The following SLC14A1 variants were observed in gnomAD, a reference collection of about 807,000 sequenced individuals.
SLC14A1 encodes solute carrier family 14 member 1 (Kidd blood group).
In SLC14A1, 36 loss-of-function variants were observed where a neutral mutation model predicts 39.6. The ratio of observed to expected loss-of-function variants is 0.91; its 90% CI spans 0.70 to 1.20. The LOEUF (loss-of-function observed/expected upper bound fraction) is 1.20, where lower values mean the gene tolerates loss of function less well. Among genes scored for constraint, SLC14A1 ranks in the 50% most tolerant of loss-of-function variants. The pLI is 0.00. For missense variants in SLC14A1, 469 were observed against 478.7 expected, an observed-to-expected ratio of 0.98 and a Z score of 0.19; for synonymous variants, 164 against 173.6, an observed-to-expected ratio of 0.94 and a Z score of 0.43.
In SLC14A1 at chr18:45,752,223, C is replaced by A. The variant is rs538101868; in HGVS notation, c.*2272C>A. The A allele has an allele frequency of 1.4e-4, 140 of 985,344 alleles. No individual in the cohort carries two copies. In the South Asian group the frequency reaches 5.5e-3, roughly 39 times the overall value. The allele number at this position is 985,344 out of a possible 1,614,324, so 61.0% of individuals were successfully genotyped here. A position where few individuals can be genotyped will look rare whatever the true frequency, so the allele number is the denominator to read the frequency against. On this transcript the variant is annotated 3_prime_UTR_variant, in exon 10 of 10. Transcript: ENST00000321925. ...TGTGGGGAAAAAAAAGCAAGCATAA[C>A]CAAAGATCATCAGCAGTGAAGAATC...
chr18:45,742,353 G>GTTTTTTTT (rs34628652), intron 8 of SLC14A1, among the ~76,000 whole-genome samples: 3 of 118,054 alleles, frequency 2.5e-5, no homozygotes, highest in East Asian at 2.4e-4. Flanking sequence ...TTGTTTTTTG[G>GTTTTTTTT]TTTTTTTTTT....
At position 45,736,653 on chromosome 18, in the gene SLC14A1, G is replaced by C; in HGVS notation, c.663+5G>C. The C allele has an allele frequency of 6.2e-7, 1 of 1,613,728 alleles. No individual in the cohort carries two copies. The highest frequency in any genetic ancestry group is 8.5e-7 in the Non-Finnish European group (1 of 1,179,622). Reference sequence around the variant, plus strand: ...TCTGACCTCAGTGCCCTGGAGGTAAGAGACACTGGCTTCTCACATTCGCCC... The same window carrying C: ...TCTGACCTCAGTGCCCTGGAGGTAACAGACACTGGCTTCTCACATTCGCCC... On this transcript the variant is annotated splice_donor_5th_base_variant and intron_variant, in intron 6 of 9. Transcript: ENST00000321925.
Position 45,750,019 on chromosome 18 carries a change from G to A in SLC14A1, c.*68G>A. On this transcript the variant is annotated 3_prime_UTR_variant, in exon 10 of 10. Coordinates refer to ENST00000321925, the MANE Select transcript of SLC14A1 (RefSeq NM_015865.7). Reference sequence around the variant, plus strand: ...CTGACTGCTCCAGCTAACTTCCAGGGTCTCAGCAAACTGCTGTTTTTCACG... The same window carrying A: ...CTGACTGCTCCAGCTAACTTCCAGGATCTCAGCAAACTGCTGTTTTTCACG... 1.9e-6 allele frequency: 3 copies of A among 1,612,950 alleles called. No individual in the cohort carries two copies. Among genetic ancestry groups the A allele is most frequent in the Non-Finnish European group, 2.5e-6 (3 of 1,180,014 alleles).
chr18:45,739,946 T>C (rs1346399498), intron 8 of SLC14A1: 3 of 461,782 alleles, frequency 6.5e-6, no homozygotes, highest in South Asian at 4.2e-5. Context: ...ATCCCAGTTA[T>C]TCTTCAGCTT....
intron 5 of SLC14A1, among the ~76,000 whole-genome samples, chr18:45,734,714 C>G (rs1217560396): frequency 1.3e-5 from 2 of 152,018 alleles, no homozygotes; most frequent in Admixed American, 1.3e-4. Context: ...CACTCCAGTT[C>G]TCCGAACCTC....
At chr18:45,748,482 T>C in intron 9 of SLC14A1, 57 bp downstream of exon 9, 1 of 1,563,166 alleles carries the variant, frequency 6.4e-7, no homozygotes, top group South Asian at 1.1e-5. Flanking sequence ...TACAACTATA[T>C]GGGAAATGCT....
chr18:45,751,176 C>CA lies in SLC14A1; in HGVS notation c.*1231dup. 1 of 427,866 alleles carries CA rather than the reference C, an allele frequency of 2.3e-6. No individual in the cohort carries two copies. Among genetic ancestry groups the CA allele is most frequent in the Non-Finnish European group, 3.1e-6 (1 of 321,578 alleles). 26.5% of individuals were successfully genotyped at this position (427,866 alleles called of 1,614,324 possible). On this transcript the variant is annotated 3_prime_UTR_variant, in exon 10 of 10. Transcript: ENST00000321925. ...GCAGCATGGTGAAACCCTGTATCTA[C>CA]AAAAAATACAAAAATTAGCCAGGCA...
At position 45,751,337 on chromosome 18, in the gene SLC14A1, T is replaced by C. The variant is rs1315989618; in HGVS notation, c.*1386T>C. On this transcript the variant is annotated 3_prime_UTR_variant, in exon 10 of 10. Coordinates refer to ENST00000321925, the MANE Select transcript of SLC14A1 (RefSeq NM_015865.7). The stretch of plus-strand genomic sequence containing the variant: ...CCTGGGCGACAAGAGTGAAACTGTG[T>C]CTCTCAAAAAAAAAAAAAAACAAAC... 1.2e-6 allele frequency: 1 copy of C among 845,716 alleles called. No homozygotes were observed. The highest frequency in any genetic ancestry group is 1.4e-6 in the Non-Finnish European group (1 of 740,702). 52.4% of individuals were successfully genotyped at this position (845,716 alleles called of 1,614,324 possible). A position where few individuals can be genotyped will look rare whatever the true frequency, so the allele number is the denominator to read the frequency against.
intron 8 of SLC14A1, among the ~76,000 whole-genome samples, chr18:45,744,018 CTT>C (rs11433934): frequency 9.5e-5 from 14 of 147,168 alleles, no homozygotes; most frequent in Admixed American, 3.4e-4. Context: ...ACCTTCTGTA[CTT>C]TTTTTTTTTT....
At chr18:45,747,555 C>T (rs556416393) in intron 8 of SLC14A1, among the ~76,000 whole-genome samples, 3 of 151,556 alleles carry the variant, frequency 2.0e-5, no homozygotes, top group Admixed American at 1.3e-4. Context: ...ATTAGCTGGG[C>T]GTAGTGGTGG....
At chr18:45,740,832 C>T (rs945831180) in intron 8 of SLC14A1, among the ~76,000 whole-genome samples, 3 of 152,146 alleles carry the variant, frequency 2.0e-5, no homozygotes, top group East Asian at 1.9e-4. Context: ...GCCACCATGC[C>T]GGCAGAATTT....
intron 9 of SLC14A1, among the ~76,000 whole-genome samples, chr18:45,748,658 A>C (rs1442865647): frequency 6.6e-6 from 1 of 152,238 alleles, no homozygotes. Flanking sequence ...TGGTTTAAAA[A>C]AAAATGAAAC....
chr18:45,740,678 C>T (rs1177096397), intron 8 of SLC14A1, among the ~76,000 whole-genome samples: 1 of 152,006 alleles, frequency 6.6e-6, no homozygotes, highest in Non-Finnish European at 1.5e-5. Context: ...GTAGCTAGGA[C>T]CACAGGCGTG....
chr18:45,738,055 T>A (rs139871320), intron 6 of SLC14A1, among the ~76,000 whole-genome samples: 1 of 152,290 alleles, frequency 6.6e-6, no homozygotes, highest in East Asian at 1.9e-4. Context: ...AATAGCAAAA[T>A]GTCTAGACAT....
At chr18:45,747,131 A>C (rs1321498821) in intron 8 of SLC14A1, 1 of 152,242 alleles carries the variant, frequency 6.6e-6, no homozygotes, top group Non-Finnish European at 1.5e-5. Flanking sequence ...CGTACCAGAC[A>C]TGAAGACGAG....
Position 45,751,918 on chromosome 18 carries a change from T to G in SLC14A1, c.*1967T>G. On this transcript the variant is annotated 3_prime_UTR_variant, in exon 10 of 10. Transcript: ENST00000321925. ...AGGAATCCTGAAGATTTTTTCCACT[T>G]CTAGTTTGCAGTGCTCAGTGCACAA... 1.0e-6 allele frequency: 1 copy of G among 985,372 alleles called. No individual in the cohort carries two copies. Among genetic ancestry groups the G allele is most frequent in the Non-Finnish European group, 1.2e-6 (1 of 829,896 alleles). The allele number at this position is 985,372 out of a possible 1,614,324, so 61.0% of individuals were successfully genotyped here. A position where few individuals can be genotyped will look rare whatever the true frequency, so the allele number is the denominator to read the frequency against.
At chr18:45,744,009 CCTT>C (rs1244375508) in intron 8 of SLC14A1, among the ~76,000 whole-genome samples, 2 of 111,916 alleles carry the variant, frequency 1.8e-5, no homozygotes, top group African/African-American at 6.9e-5. Context: ...TTCATATTAA[CCTT>C]CTGTACTTTT....
In SLC14A1 at chr18:45,734,255, T is replaced by C; in HGVS notation, c.342-19T>C. 6.2e-7 allele frequency: 1 copy of C among 1,613,978 alleles called. No homozygotes were observed. Among genetic ancestry groups the C allele is most frequent in the Non-Finnish European group, 8.5e-7 (1 of 1,179,880 alleles). Reference sequence around the variant, plus strand: ...AAGCTCACCCAGGAAATGTCCGTGCTGTGTCTCTTGCCCCACAGGTCATTA... The same window carrying C: ...AAGCTCACCCAGGAAATGTCCGTGCCGTGTCTCTTGCCCCACAGGTCATTA... On this transcript the variant is annotated intron_variant, in intron 4 of 9. Transcript: ENST00000321925.
intron 8 of SLC14A1, chr18:45,741,203 C>G (rs2047368770): frequency 6.6e-6 from 1 of 152,188 alleles, no homozygotes; most frequent in Non-Finnish European, 1.5e-5. Context: ...TGATTTGGAT[C>G]TGAAAAGCTA....
Sources: gnomAD v4.1 joint callset for allele counts (sites outside exome capture counted in the v4.1 genomes callset) on GRCh38, gnomAD v4.1.1 for gene constraint, MANE v1.5 for transcripts, NCBI Gene and HGNC (gene_info 2026-07-23, HGNC 2026-07-21) for gene names.